KIAA0825: variants seen among roughly 807,000 people sequenced by gnomAD.
KIAA0825 encodes uncharacterized protein KIAA0825.
In KIAA0825, 119 loss-of-function variants were observed where a neutral mutation model predicts 147.6. The ratio of observed to expected loss-of-function variants is 0.81; its 90% CI spans 0.69 to 0.94. The LOEUF (loss-of-function observed/expected upper bound fraction) is 0.94, where lower values mean the gene tolerates loss of function less well. KIAA0825 is among the 40% of genes least tolerant of loss of function. The probability of loss-of-function intolerance (pLI) is 0.00; values close to 1 mark genes in which losing one functional copy is unlikely to be tolerated. For missense variants in KIAA0825, 1,381 were observed against 1,472.7 expected (o/e 0.94, Z 1.02); for synonymous variants, 470 against 518.1 (o/e 0.91, Z 1.26).
At chr5:94,534,804 C>T (rs897756730) in intron 3 of KIAA0825, among the ~76,000 whole-genome samples, 1 of 151,974 alleles carries the variant, frequency 6.6e-6, no homozygotes, top group African/African-American at 2.4e-5. Context: ...CTGATGGAGC[C>T]TAAATGCCAT....
chr5:94,595,657 T>C (rs773905592), intron 1 of KIAA0825, among the ~76,000 whole-genome samples: 4 of 152,208 alleles, frequency 2.6e-5, no homozygotes, highest in African/African-American at 4.8e-5. Flanking sequence ...AGAAAATGCA[T>C]TTTTCTTTGC....
intron 10 of KIAA0825, among the ~76,000 whole-genome samples, chr5:94,467,347 C>A (rs1760675781): frequency 1.3e-5 from 2 of 152,062 alleles, no homozygotes; most frequent in African/African-American, 4.8e-5. Context: ...TTTTGCAAAC[C>A]CACTATGATG....
At chr5:94,195,954 G>A (rs1379984944) in intron 20 of KIAA0825, among the ~76,000 whole-genome samples, 1 of 152,092 alleles carries the variant, frequency 6.6e-6, no homozygotes, top group East Asian at 1.9e-4. Flanking sequence ...CCAATTCTGT[G>A]CCCTGCAGCC....
chr5:94,580,042 A>C (rs1301078834), intron 2 of KIAA0825, among the ~76,000 whole-genome samples: 1 of 152,206 alleles, frequency 6.6e-6, no homozygotes, highest in Non-Finnish European at 1.5e-5. Context: ...CAGAGAAGCC[A>C]ATGTGTAGGA....
chr5:94,327,004 C>A (rs1384119039), intron 20 of KIAA0825, among the ~76,000 whole-genome samples: 1 of 152,144 alleles, frequency 6.6e-6, no homozygotes, highest in Admixed American at 6.6e-5. Flanking sequence ...TGTTCCCACA[C>A]ATTTAAAACT....
intron 20 of KIAA0825, among the ~76,000 whole-genome samples, chr5:94,363,245 T>G (rs1203840635): frequency 6.6e-6 from 1 of 152,028 alleles, no homozygotes; most frequent in African/African-American, 2.4e-5. Context: ...GAATAATCAA[T>G]TATTTGAAAA....
At chr5:94,423,126 G>A (rs1754411963) in intron 14 of KIAA0825, among the ~76,000 whole-genome samples, 2 of 152,188 alleles carry the variant, frequency 1.3e-5, no homozygotes, top group African/African-American at 4.8e-5. Context: ...CTGCAAGGAA[G>A]TCCTATAGTT....
At chr5:94,380,363 C>T (rs1215004498) in intron 20 of KIAA0825, among the ~76,000 whole-genome samples, 3 of 152,192 alleles carry the variant, frequency 2.0e-5, no homozygotes, top group African/African-American at 7.2e-5. Context: ...GCTCATCTGT[C>T]AGGAGCTGAC....
At chr5:94,447,259 G>T (rs1208279654) in intron 13 of KIAA0825, among the ~76,000 whole-genome samples, 1 of 151,880 alleles carries the variant, frequency 6.6e-6, no homozygotes, top group Non-Finnish European at 1.5e-5. Context: ...ATTTGGGGGG[G>T]CACACAAAGA....
At chr5:94,568,494 A>G (rs1779185121) in intron 2 of KIAA0825, 1 of 152,492 alleles carries the variant, frequency 6.6e-6, no homozygotes, top group Non-Finnish European at 1.5e-5. Context: ...AGCCCCATCA[A>G]ACGCCTAACA....
At chr5:94,406,649 A>G (rs140370816) in intron 15 of KIAA0825, among the ~76,000 whole-genome samples, 1,557 of 152,320 alleles carry the variant, frequency 0.01, 28 homozygotes, top group Middle Eastern at 0.027. Flanking sequence ...CAACAATCCA[A>G]GGAGAATTTA....
chr5:94,346,010 A>G (rs1375903569), intron 20 of KIAA0825, among the ~76,000 whole-genome samples: 1 of 152,200 alleles, frequency 6.6e-6, no homozygotes, highest in African/African-American at 2.4e-5. Flanking sequence ...TCTGTAATCT[A>G]TAGATAACAT....
chr5:94,165,387 G>A (rs562086340), intron 20 of KIAA0825, among the ~76,000 whole-genome samples: 3 of 152,256 alleles, frequency 2.0e-5, no homozygotes, highest in South Asian at 4.1e-4. Flanking sequence ...AGAGAAAAGG[G>A]AACCCTTGTA....
chr5:94,329,045 T>C (rs1241341448), intron 20 of KIAA0825, among the ~76,000 whole-genome samples: 1 of 152,098 alleles, frequency 6.6e-6, no homozygotes, highest in Non-Finnish European at 1.5e-5. Flanking sequence ...ACACCAAGAA[T>C]TGTCAAAATA....
chr5:94,334,946 AC>A (rs1041572855), intron 20 of KIAA0825, among the ~76,000 whole-genome samples: 1 of 152,210 alleles, frequency 6.6e-6, no homozygotes, highest in Non-Finnish European at 1.5e-5. Flanking sequence ...GTATCATGAT[AC>A]ACCAAATTAT....
chr5:94,276,343 G>T (rs1016161686), intron 20 of KIAA0825, among the ~76,000 whole-genome samples: 1 of 152,100 alleles, frequency 6.6e-6, no homozygotes, highest in African/African-American at 2.4e-5. Context: ...AATTGCTCAG[G>T]TTGGTTTTCT....
At position 94,481,282 on chromosome 5, in the gene KIAA0825, T is replaced by A. The variant is rs192353212; in HGVS notation, c.1132+3487A>T. On this transcript the variant is annotated intron_variant, in intron 6 of 20. Coordinates refer to ENST00000682413, the MANE Select transcript of KIAA0825 (RefSeq NM_001145678.3). Reference sequence around the variant, plus strand: ...TTTGTGGTTCATTTTATACTTCTGGTTAGTTTCTACACTGCCGCTTTCTTT... The same window carrying A: ...TTTGTGGTTCATTTTATACTTCTGGATAGTTTCTACACTGCCGCTTTCTTT... 3.3e-3 allele frequency among the ~76,000 whole-genome samples: 503 copies of A among 152,172 alleles called. 1 individual carries two copies. Among genetic ancestry groups the A allele is most frequent in the African/African-American group, 9.3e-3 (387 of 41,516 alleles).
intron 20 of KIAA0825, among the ~76,000 whole-genome samples, chr5:94,257,281 G>A (rs1776294511): frequency 6.6e-6 from 1 of 152,052 alleles, no homozygotes; most frequent in Non-Finnish European, 1.5e-5. Context: ...CATGCTTCCA[G>A]GATATGTCAG....
intron 2 of KIAA0825, among the ~76,000 whole-genome samples, chr5:94,543,177 C>T (rs1405799980): frequency 6.6e-6 from 1 of 152,116 alleles, no homozygotes; most frequent in Non-Finnish European, 1.5e-5. Flanking sequence ...GGTGTAGTGG[C>T]TCATGCCTGT....
Sources: allele counts gnomAD v4.1 joint callset (sites outside exome capture counted in the v4.1 genomes callset), GRCh38; gene constraint gnomAD v4.1.1; transcripts MANE v1.5; gene names NCBI Gene and HGNC (gene_info 2026-07-23, HGNC 2026-07-21).